The following ITPR1 variants were observed in gnomAD, a reference collection of about 807,000 sequenced individuals.
The protein encoded by ITPR1 is inositol 1,4,5-trisphosphate-gated calcium channel ITPR1.
In ITPR1, 96 loss-of-function variants were observed where a neutral mutation model predicts 318.4. The ratio of observed to expected loss-of-function variants is 0.30; its 90% CI spans 0.26 to 0.36. ITPR1 has a LOEUF of 0.36. Ranked by LOEUF, ITPR1 falls within the 10% of genes least tolerant of loss-of-function variation. The pLI is 1.00. For synonymous variants in ITPR1, 1,312 were observed against 1,289.9 expected, an observed-to-expected ratio of 1.02 and a Z score of -0.37; for missense variants, 2,440 against 3,460.2, an observed-to-expected ratio of 0.71 and a Z score of 7.40.
At chr3:4,532,442 G>T (rs113130321) in intron 4 of ITPR1, among the ~76,000 whole-genome samples, 1 of 152,004 alleles carries the variant, frequency 6.6e-6, no homozygotes, top group African/African-American at 2.4e-5. Context: ...AAGGCCCACC[G>T]CAGCCTTGAC....
chr3:4,519,394 T>G lies in ITPR1; in HGVS notation c.93-1630T>G, dbSNP rs536366555. On this transcript the variant is annotated intron_variant, in intron 3 of 61. Transcript: ENST00000649015. ...GGCGCCTGCCACCACGCCCAGCTAA[T>G]TTTTGAATTTCTAGTAGTGACAGGA... Among the ~76,000 whole-genome samples, 329 of 152,296 alleles carry G rather than the reference T, an allele frequency of 2.2e-3. 3 individuals are homozygous for G. The highest frequency in any genetic ancestry group is 7.7e-3 in the African/African-American group (319 of 41,546).
intron 40 of ITPR1, among the ~76,000 whole-genome samples, chr3:4,723,328 C>T (rs984113380): frequency 2.0e-5 from 3 of 152,152 alleles, no homozygotes; most frequent in Admixed American, 6.5e-5. Context: ...CCAGTCTATT[C>T]CACGAAGGGA....
At position 4,721,110 on chromosome 3, in the gene ITPR1, ATATATATATATATATTTATATATATT is replaced by A. The variant is rs140902043; in HGVS notation, c.5136+3719_5136+3744del. Among the ~76,000 whole-genome samples, 205 of 145,894 alleles carry A rather than the reference ATATATATATATATATTTATATATATT, an allele frequency of 1.4e-3. 1 individual carries two copies. The highest frequency in any genetic ancestry group is 2.5e-3 in the Non-Finnish European group (164 of 66,490). ...CCTATTGCAAAGTCAGTGGAGGGAT[ATATATATATATATATTTATATATATT>A]TATATATGTCTGTGTGTAGATACGT... On this transcript the variant is annotated intron_variant, in intron 40 of 61. Transcript: ENST00000649015.
At chr3:4,735,820 T>C (rs2043227562) in intron 44 of ITPR1, among the ~76,000 whole-genome samples, 2 of 152,242 alleles carry the variant, frequency 1.3e-5, no homozygotes, top group Non-Finnish European at 2.9e-5. Flanking sequence ...TACCTACCTT[T>C]TAACTGAAAG....
chr3:4,551,380 G>A (rs539579188), intron 4 of ITPR1, among the ~76,000 whole-genome samples: 142 of 152,310 alleles, frequency 9.3e-4, no homozygotes, highest in African/African-American at 3.2e-3. Flanking sequence ...AAATCATGAA[G>A]CGATTCAGAA....
At chr3:4,807,811 C>A (rs137984739) in intron 55 of ITPR1, among the ~76,000 whole-genome samples, 2 of 152,168 alleles carry the variant, frequency 1.3e-5, no homozygotes, top group South Asian at 4.1e-4. Flanking sequence ...TAGAGACTTA[C>A]GTCTGTTTCT....
chr3:4,683,288 G>A, intron 26 of ITPR1, 98 bp from the exon 27 acceptor site: 7 of 1,166,148 alleles, frequency 6.0e-6, no homozygotes, highest in African/African-American at 1.5e-5. Flanking sequence ...AGATCACAGT[G>A]CTAGAAATGC....
At chr3:4,803,113 G>A (rs1342769921) in intron 54 of ITPR1, among the ~76,000 whole-genome samples, 3 of 152,184 alleles carry the variant, frequency 2.0e-5, no homozygotes, top group Admixed American at 1.3e-4. Context: ...CAGCAAAGTT[G>A]GAGCTGGAAC....
chr3:4,829,868 C>CCCT (rs1224927990), intron 60 of ITPR1, among the ~76,000 whole-genome samples: 3 of 150,410 alleles, frequency 2.0e-5, no homozygotes, highest in Non-Finnish European at 4.5e-5. Flanking sequence ...CTCCCTCCCT[C>CCCT]CCCCTGAGCC....
intron 41 of ITPR1, 98 bp downstream of exon 41, chr3:4,725,679 T>C (rs1336798409): frequency 9.2e-7 from 1 of 1,088,284 alleles, no homozygotes; most frequent in East Asian, 2.4e-5. Context: ...ACAAAAAGTC[T>C]CTCCCGGTGG....
chr3:4,674,897 C>G (rs569963158), intron 22 of ITPR1, among the ~76,000 whole-genome samples, 171 bp from the exon 23 acceptor site: 31 of 151,182 alleles, frequency 2.1e-4, no homozygotes, highest in African/African-American at 7.3e-4. Flanking sequence ...CTTATTTTTC[C>G]TCCTTATGAA....
intron 8 of ITPR1, 72 bp downstream of exon 8, chr3:4,644,306 C>A (rs12330450): frequency 9.9e-7 from 1 of 1,010,936 alleles, no homozygotes; most frequent in Non-Finnish European, 1.5e-6. Context: ...CCAGTGCATG[C>A]GTGTGCTGAG....
intron 60 of ITPR1, among the ~76,000 whole-genome samples, chr3:4,836,145 A>G (rs1413256866): frequency 1.3e-5 from 2 of 152,176 alleles, no homozygotes; most frequent in Non-Finnish European, 1.5e-5. Flanking sequence ...GTGTTTGCAA[A>G]AGGTTTTCCC....
chr3:4,688,357 G>T, intron 30 of ITPR1, 138 bp from the exon 31 acceptor site: 2 of 944,270 alleles, frequency 2.1e-6, no homozygotes, highest in Non-Finnish European at 1.6e-6. Context: ...CGTCAGCAGT[G>T]CAGCCCCTCA....
Position 4,734,380 on chromosome 3 carries a change from T to G in ITPR1, c.5354-784T>G, listed in dbSNP as rs942549996. Among the ~76,000 whole-genome samples the G allele has an allele frequency of 2.8e-5, 3 of 108,228 alleles. No homozygotes were observed. In the Admixed American group the frequency reaches 2.8e-4, roughly 10 times the overall value. 71.0% of individuals were successfully genotyped at this position (108,228 alleles called of 152,430 possible). A position where few individuals can be genotyped will look rare whatever the true frequency, so the allele number is the denominator to read the frequency against. ...AGAATGTGCAACCCAATTTCTACCT[T>G]GTGCTATAGATATAAGGACAAGTCA... On this transcript the variant is annotated intron_variant, in intron 43 of 61. Transcript: ENST00000649015.
chr3:4,644,688 T>C (rs1001865836), intron 8 of ITPR1, among the ~76,000 whole-genome samples: 1 of 152,312 alleles, frequency 6.6e-6, no homozygotes, highest in South Asian at 2.1e-4. Flanking sequence ...TTAGCAATTA[T>C]AGGATGCAAG....
chr3:4,520,905 A>T (rs985169925), intron 3 of ITPR1, 119 bp from the exon 4 acceptor site: 7 of 749,972 alleles, frequency 9.3e-6, no homozygotes, highest in Non-Finnish European at 1.4e-5. Flanking sequence ...AGTTCCTGGC[A>T]GGAGAATATG....
At chr3:4,763,237 G>A (rs1486781533) in intron 44 of ITPR1, among the ~76,000 whole-genome samples, 2 of 152,152 alleles carry the variant, frequency 1.3e-5, no homozygotes, top group Non-Finnish European at 2.9e-5. Context: ...TTAGGAAAAA[G>A]AGCTAATGCA....
intron 3 of ITPR1, among the ~76,000 whole-genome samples, chr3:4,520,283 G>T (rs971096725): frequency 2.0e-5 from 3 of 152,188 alleles, no homozygotes; most frequent in Non-Finnish European, 4.4e-5. Flanking sequence ...AAAGAATTGT[G>T]CAAGTTAGAC....
Sources: allele counts gnomAD v4.1 joint callset (sites outside exome capture counted in the v4.1 genomes callset), GRCh38; gene constraint gnomAD v4.1.1; transcripts MANE v1.5; gene names NCBI Gene and HGNC (gene_info 2026-07-23, HGNC 2026-07-21).